ADAM12: variants seen among roughly 807,000 people sequenced by gnomAD.
The protein encoded by ADAM12 is disintegrin and metalloproteinase domain-containing protein 12.
Under a neutral mutation model 106.4 loss-of-function variants are expected in ADAM12, and 70 were observed. The observed-to-expected ratio is 0.66, with a 90% CI of 0.54 to 0.80. ADAM12 has a LOEUF of 0.80. Among genes scored for constraint, ADAM12 ranks in the 30% least tolerant of loss-of-function variants. The probability of loss-of-function intolerance (pLI) is 0.00; values close to 1 mark genes in which losing one functional copy is unlikely to be tolerated. For missense variants in ADAM12, 1,010 were observed against 1,171.9 expected (o/e 0.86, Z 2.02); for synonymous variants, 420 against 433.5 (o/e 0.97, Z 0.39).
chr10:126,227,473 A>G (rs1958220480), intron 3 of ADAM12, among the ~76,000 whole-genome samples: 1 of 152,166 alleles, frequency 6.6e-6, no homozygotes, highest in South Asian at 2.1e-4. Context: ...AGACGATCTC[A>G]TTGATGTTCA....
At chr10:126,038,952 C>CTTTTTTTTTTTTTT (rs34277276) in intron 19 of ADAM12, among the ~76,000 whole-genome samples, 2 of 71,542 alleles carry the variant, frequency 2.8e-5, no homozygotes, top group East Asian at 5.4e-4. Context: ...GACACCATTT[C>CTTTTTTTTTTTTTT]TTTTTTTTTT....
rs115791634 is a variant in ADAM12, at chr10:126,116,520, G to T, written c.603+1518C>A. On this transcript the variant is annotated intron_variant, in intron 6 of 22. Coordinates refer to ENST00000448723, the MANE Select transcript of ADAM12 (RefSeq NM_001288973.2). ...CTTGAGCTTGTAAGGGTAGAGGTTGGGGGGGTAATTTTCAAGCTCTGTTCC... is the reference window on the plus strand; with the variant it reads ...CTTGAGCTTGTAAGGGTAGAGGTTGTGGGGGTAATTTTCAAGCTCTGTTCC... 7.5e-3 allele frequency among the ~76,000 whole-genome samples: 1,134 copies of T among 152,016 alleles called. 16 individuals are homozygous for T. Among genetic ancestry groups the T allele is most frequent in the African/African-American group, 0.026 (1,080 of 41,428 alleles).
rs1221129683 is a variant in ADAM12 at position 126,049,798 on chromosome 10, A to G, written c.1610-129T>C. On this transcript the variant is annotated intron_variant, in intron 14 of 22. Transcript: ENST00000448723. This position sits in a 1 kb window ranked among gnomAD's most constrained non-coding sequence, Gnocchi z 4.4. ...TCACACCCAGTGTCTGTCCCGACTCATGGTGGGAGCTGGCCAGGGGAAGCC... is the reference window on the plus strand; with the variant it reads ...TCACACCCAGTGTCTGTCCCGACTCGTGGTGGGAGCTGGCCAGGGGAAGCC... The G allele has an allele frequency of 2.4e-6, 2 of 824,680 alleles. No homozygotes were observed. The highest frequency in any genetic ancestry group is 3.8e-6 in the Non-Finnish European group (2 of 531,480). 51.1% of individuals were successfully genotyped at this position (824,680 alleles called of 1,614,324 possible).
At chr10:126,196,033 C>T (rs985821480) in intron 3 of ADAM12, among the ~76,000 whole-genome samples, 8 of 152,208 alleles carry the variant, frequency 5.3e-5, no homozygotes, top group South Asian at 2.1e-4. Context: ...AGCTACTTAA[C>T]GTGTTGCTTA....
intron 3 of ADAM12, among the ~76,000 whole-genome samples, chr10:126,272,318 TAATA>T (rs1959181748): frequency 6.6e-6 from 1 of 152,172 alleles, no homozygotes; most frequent in Non-Finnish European, 1.5e-5. Flanking sequence ...AAAGATTAAT[TAATA>T]AAGATAATTA....
intron 1 of ADAM12, among the ~76,000 whole-genome samples, chr10:126,377,758 A>G (rs751379276): frequency 9.9e-5 from 15 of 152,240 alleles, no homozygotes; most frequent in Non-Finnish European, 2.1e-4. Flanking sequence ...AAGAACCCAG[A>G]AGCATATCTG....
Position 126,038,340 on chromosome 10 carries a change from G to T in ADAM12, c.2250C>A (p.Arg750=), listed in dbSNP as rs761943466. The change falls in exon 20 of 23, where the codon CGC becomes CGA. Residue 750 remains arginine, a synonymous_variant. Transcript: ENST00000448723. ...KTTIEKLRCV[R]PSRPPRGFQP... ...GGAAGCCACGGGGTGGCCGGGAAGG[G>T]CGCACACACCTGCAACAGAATCCCA... is the stretch of plus-strand genomic sequence containing the variant. The T allele has an allele frequency of 6.3e-7, 1 of 1,594,202 alleles. No individual in the cohort carries two copies. The highest frequency in any genetic ancestry group is 1.1e-5 in the South Asian group (1 of 88,258).
At chr10:126,300,400 T>C (rs1325507224) in intron 2 of ADAM12, among the ~76,000 whole-genome samples, 2 of 152,160 alleles carry the variant, frequency 1.3e-5, no homozygotes, top group African/African-American at 4.8e-5. Flanking sequence ...CCACTCTCCT[T>C]CCTTCTTCCC....
At chr10:126,040,576 GACTT>G (rs1237254561) in intron 18 of ADAM12, among the ~76,000 whole-genome samples, 7 of 152,316 alleles carry the variant, frequency 4.6e-5, no homozygotes, top group South Asian at 4.2e-4. Context: ...TGACAGTCTT[GACTT>G]ACTTGTTGGT....
At chr10:126,086,680 A>AAAAAATATATATATATAT (rs1554966976) in intron 11 of ADAM12, among the ~76,000 whole-genome samples, 6 of 24,248 alleles carry the variant, frequency 2.5e-4, no homozygotes, top group African/African-American at 3.3e-4. Context: ...AAAAAAAAAA[A>AAAAAATATATATATATAT]ATATATATAT....
At chr10:126,149,261 G>A (rs958326529) in intron 4 of ADAM12, among the ~76,000 whole-genome samples, 1 of 152,168 alleles carries the variant, frequency 6.6e-6, no homozygotes, top group African/African-American at 2.4e-5. Context: ...ACGCCCTGGA[G>A]CCCTTCCATC....
chr10:126,124,912 G>GAA lies in ADAM12; in HGVS notation c.417-6690_417-6689dup, dbSNP rs1565077100. ...CACCGTCTCAAAAAAAAAAAAAAAA[G>GAA]AAAAAGAAAAGTGTTATTACCAGCA... On this transcript the variant is annotated intron_variant, in intron 5 of 22. Transcript: ENST00000448723. Among the ~76,000 whole-genome samples the GAA allele has an allele frequency of 7.6e-5, 10 of 131,644 alleles. 1 individual carries two copies. The highest frequency in any genetic ancestry group is 2.4e-4 in the South Asian group (1 of 4,238). The allele number at this position is 131,644 out of a possible 152,430, so 86.4% of individuals were successfully genotyped here. A position where few individuals can be genotyped will look rare whatever the true frequency, so the allele number is the denominator to read the frequency against.
chr10:126,204,042 T>G (rs1328197396), intron 3 of ADAM12, among the ~76,000 whole-genome samples: 2 of 152,288 alleles, frequency 1.3e-5, no homozygotes, highest in East Asian at 1.9e-4. Context: ...TTATTCACAG[T>G]AGGAGCTGCC....
At chr10:126,146,932 C>T (rs1028255274) in intron 4 of ADAM12, among the ~76,000 whole-genome samples, 1 of 152,192 alleles carries the variant, frequency 6.6e-6, no homozygotes, top group South Asian at 2.1e-4. Context: ...CGATTAGATG[C>T]TTTCTAACTG....
At chr10:126,309,151 C>A (rs988798400) in intron 2 of ADAM12, among the ~76,000 whole-genome samples, 1 of 152,228 alleles carries the variant, frequency 6.6e-6, no homozygotes, top group Non-Finnish European at 1.5e-5. Context: ...CTTTTGACTA[C>A]ATTGATCGTT....
chr10:126,171,870 A>C (rs1957126365), intron 3 of ADAM12, among the ~76,000 whole-genome samples: 1 of 152,226 alleles, frequency 6.6e-6, no homozygotes, highest in South Asian at 2.1e-4. Context: ...CTTGCACGCA[A>C]AGTTGGGAAT....
intron 2 of ADAM12, among the ~76,000 whole-genome samples, chr10:126,329,129 T>TAAAAAA (rs59399247): frequency 6.9e-6 from 1 of 145,612 alleles, no homozygotes; most frequent in Non-Finnish European, 1.5e-5. Flanking sequence ...AACAAATACT[T>TAAAAAA]AAAAAAAAAA....
At chr10:126,175,057 C>T (rs139230497) in intron 3 of ADAM12, among the ~76,000 whole-genome samples, 41 of 152,186 alleles carry the variant, frequency 2.7e-4, no homozygotes, top group Middle Eastern at 6.8e-3. Flanking sequence ...CGCCCGGCCA[C>T]CCATTTTTAT....
At chr10:126,345,199 T>A (rs962743516) in intron 1 of ADAM12, among the ~76,000 whole-genome samples, 16 of 152,230 alleles carry the variant, frequency 1.1e-4, no homozygotes, top group African/African-American at 3.6e-4. Flanking sequence ...ATACATCCCA[T>A]CAATACCTAA....
Sources: gnomAD v4.1 joint callset for allele counts (sites outside exome capture counted in the v4.1 genomes callset) on GRCh38, gnomAD v4.1.1 for gene constraint, Gnocchi (gnomAD v3.1) non-coding constraint, MANE v1.5 for transcripts, NCBI Gene and HGNC (gene_info 2026-07-23, HGNC 2026-07-21) for gene names.